PCDHGA7: variants seen among roughly 807,000 people sequenced by gnomAD.
PCDHGA7 encodes protocadherin gamma-A7.
PCDHGA7 carries 44 observed loss-of-function variants against 58.3 expected under a neutral mutation model. That is an observed-to-expected ratio of 0.75 (90% CI 0.59 to 0.97). The LOEUF (loss-of-function observed/expected upper bound fraction) is 0.97. Among genes scored for constraint, PCDHGA7 ranks in the 50% least tolerant of loss-of-function variants. PCDHGA7 has a pLI of 0.00. For missense variants in PCDHGA7, 1,266 were observed against 1,188.7 expected, an observed-to-expected ratio of 1.06 and a Z score of -0.96; for synonymous variants, 516 against 504.2, an observed-to-expected ratio of 1.02 and a Z score of -0.31.
chr5:141,428,037 C>T, intron 1 of PCDHGA7: 1 of 1,608,458 alleles, frequency 6.2e-7, no homozygotes, highest in South Asian at 1.1e-5. Context: ...GTCCGGCTAC[C>T]TGGTGACCAA....
intron 1 of PCDHGA7, among the ~76,000 whole-genome samples, chr5:141,407,771 A>G (rs1414886829): frequency 6.6e-6 from 1 of 152,246 alleles, no homozygotes; most frequent in East Asian, 1.9e-4. Context: ...GAAATTGTGC[A>G]TAATAGATTT....
At chr5:141,444,288 C>T (rs2098430665) in intron 1 of PCDHGA7, among the ~76,000 whole-genome samples, 1 of 150,100 alleles carries the variant, frequency 6.7e-6, no homozygotes, top group South Asian at 2.1e-4. Flanking sequence ...TCTCCTGCCT[C>T]AGCCTCCCTA....
At chr5:141,399,821 C>T in intron 1 of PCDHGA7, 1 of 1,613,210 alleles carries the variant, frequency 6.2e-7, no homozygotes, top group Non-Finnish European at 8.5e-7. Flanking sequence ...GCGCTGGGTC[C>T]CGACGGCTCT....
At chr5:141,413,500 A>C (rs1422297029) in intron 1 of PCDHGA7, 2 of 1,614,034 alleles carry the variant, frequency 1.2e-6, no homozygotes, top group South Asian at 1.1e-5. Flanking sequence ...GTGCGTGGTG[A>C]GTTTTAATAT....
intron 1 of PCDHGA7, among the ~76,000 whole-genome samples, chr5:141,472,924 T>G (rs1247655318): frequency 2.0e-5 from 3 of 147,960 alleles, no homozygotes; most frequent in African/African-American, 7.5e-5. Flanking sequence ...AGGAGGAGGT[T>G]GTGGTGAGCC....
Position 141,384,600 on chromosome 5 carries a change from C to T in PCDHGA7, c.1701C>T (p.Leu567=). Residue 567 remains leucine, a synonymous_variant, in exon 1 of 4, where the codon CTC becomes CTT. Transcript: ENST00000518325. ...DNPPEILYPA[L]PTDGSTGMEL... The stretch of plus-strand genomic sequence containing the variant: ...CGCCCGAGATCCTGTACCCGGCCCT[C>T]CCCACAGATGGTTCTACTGGCATGG... 1 of 1,614,248 alleles carries T rather than the reference C, an allele frequency of 6.2e-7. No individual in the cohort carries two copies. Among genetic ancestry groups the T allele is most frequent in the Non-Finnish European group, 8.5e-7 (1 of 1,180,048 alleles).
Position 141,512,910 on chromosome 5 carries a change from T to C in PCDHGA7, c.*1737T>C, listed in dbSNP as rs2099884499. On this transcript the variant is annotated 3_prime_UTR_variant, in exon 4 of 4. Transcript: ENST00000518325. Reference sequence around the variant, plus strand: ...CTCTTCCTGTGTCTCACGCAAGTTTTATACTCTAATATTTATATGGCTTTT... The same window carrying C: ...CTCTTCCTGTGTCTCACGCAAGTTTCATACTCTAATATTTATATGGCTTTT... 1 of 152,274 alleles carries C rather than the reference T, an allele frequency of 6.6e-6. No homozygotes were observed. The highest frequency in any genetic ancestry group is 2.1e-4 in the South Asian group (1 of 4,836). 9.4% of individuals were successfully genotyped at this position (152,274 alleles called of 1,614,324 possible). A position where few individuals can be genotyped will look rare whatever the true frequency, so the allele number is the denominator to read the frequency against.
At position 141,481,468 on chromosome 5, in the gene PCDHGA7, G is replaced by A. The variant is rs575259839; in HGVS notation, c.2425-13339G>A. Among the ~76,000 whole-genome samples the A allele has an allele frequency of 2.6e-5, 4 of 152,332 alleles. No homozygotes were observed. In the South Asian group the frequency reaches 8.3e-4, roughly 32 times the overall value. On this transcript the variant is annotated intron_variant, in intron 1 of 3. Transcript: ENST00000518325. Reference sequence around the variant, plus strand: ...CATGTAAATACACTGAAAACCATTGGATTATACACTTTAAATATGTGATTT... The same window carrying A: ...CATGTAAATACACTGAAAACCATTGAATTATACACTTTAAATATGTGATTT...
In PCDHGA7 at chr5:141,388,120, C is replaced by G. The variant is rs945677635; in HGVS notation, c.2424+2797C>G. The G allele has an allele frequency of 2.8e-6, 4 of 1,422,500 alleles. No homozygotes were observed. The African/African-American group carries it at 5.8e-5, about 20-fold the overall frequency. 88.1% of individuals were successfully genotyped at this position (1,422,500 alleles called of 1,614,324 possible). On this transcript the variant is annotated intron_variant, in intron 1 of 3. Coordinates refer to ENST00000518325, the MANE Select transcript of PCDHGA7 (RefSeq NM_018920.4). ...GAGAAGCCTTACTTCACCGTGAGCG[C>G]AGAGAGCGGGGAGTTGCTTGTGAGC...
Position 141,511,703 on chromosome 5 carries a change from T to G in PCDHGA7, c.*530T>G, listed in dbSNP as rs148447880. On this transcript the variant is annotated 3_prime_UTR_variant, in exon 4 of 4. Coordinates refer to ENST00000518325, the MANE Select transcript of PCDHGA7 (RefSeq NM_018920.4). ...AAAGCATGGTTTGGTGCCAGCCCCT[T>G]CACCTCCTTCCAGAGCCCAAGATCA... The G allele has an allele frequency of 1.1e-4, 21 of 189,942 alleles. No homozygotes were observed. In the East Asian group the frequency reaches 2.4e-3, roughly 22 times the overall value. 11.8% of individuals were successfully genotyped at this position (189,942 alleles called of 1,614,324 possible).
intron 1 of PCDHGA7, among the ~76,000 whole-genome samples, chr5:141,406,833 A>G (rs776807611): frequency 3.9e-5 from 6 of 152,238 alleles, no homozygotes; most frequent in Non-Finnish European, 4.4e-5. Flanking sequence ...ATGAACTTGC[A>G]TATCAGATAT....
intron 1 of PCDHGA7, among the ~76,000 whole-genome samples, chr5:141,450,894 G>C (rs919860611): frequency 6.7e-6 from 1 of 148,956 alleles, no homozygotes; most frequent in Admixed American, 6.7e-5. Context: ...GTGCGATATC[G>C]GCTCACTGCA....
At chr5:141,447,130 T>A (rs2098527397) in intron 1 of PCDHGA7, among the ~76,000 whole-genome samples, 1 of 152,146 alleles carries the variant, frequency 6.6e-6, no homozygotes, top group Admixed American at 6.6e-5. Context: ...TTTTTTTGTT[T>A]GTTTGTTTTT....
At chr5:141,394,705 C>A (rs1245348426) in intron 1 of PCDHGA7, 1 of 1,613,256 alleles carries the variant, frequency 6.2e-7, no homozygotes, top group African/African-American at 1.3e-5. Context: ...ACGGCGCGAG[C>A]CCTGCTGGAC....
Position 141,436,345 on chromosome 5 carries a change from G to A in PCDHGA7, c.2424+51022G>A, listed in dbSNP as rs930858667. 5.9e-4 allele frequency among the ~76,000 whole-genome samples: 90 copies of A among 152,212 alleles called. 1 individual carries two copies. Among genetic ancestry groups the A allele is most frequent in the African/African-American group, 1.7e-3 (69 of 41,540 alleles). ...GTTAGACCATATCTCAAATATCAGT[G>A]ACTTCAATCAACTATGTTTCCAGTT... On this transcript the variant is annotated intron_variant, in intron 1 of 3. Coordinates refer to ENST00000518325, the MANE Select transcript of PCDHGA7 (RefSeq NM_018920.4).
At chr5:141,409,885 G>A in intron 1 of PCDHGA7, 1 of 1,613,110 alleles carries the variant, frequency 6.2e-7, no homozygotes. Flanking sequence ...ACGCACCGCG[G>A]GTGCTGTACC....
At chr5:141,504,528 C>T (rs750099460) in intron 2 of PCDHGA7, among the ~76,000 whole-genome samples, 2 of 151,854 alleles carry the variant, frequency 1.3e-5, no homozygotes, top group Non-Finnish European at 2.9e-5. Flanking sequence ...ATATTTTATT[C>T]GTGTCATCAT....
intron 2 of PCDHGA7, among the ~76,000 whole-genome samples, chr5:141,501,331 ACACC>A (rs747366952): frequency 1.4e-5 from 2 of 138,844 alleles, no homozygotes; most frequent in Non-Finnish European, 3.2e-5. Context: ...ACACACACAC[ACACC>A]CCAAACTCAA....
chr5:141,409,082 T>C (rs1332697516), intron 1 of PCDHGA7: 6 of 1,613,878 alleles, frequency 3.7e-6, no homozygotes, highest in African/African-American at 1.3e-5. Context: ...TATGTTCTCA[T>C]TGGATGAGAA....
Sources: gnomAD v4.1 joint callset for allele counts (sites outside exome capture counted in the v4.1 genomes callset) on GRCh38, gnomAD v4.1.1 for gene constraint, MANE v1.5 for transcripts, NCBI Gene and HGNC (gene_info 2026-07-23, HGNC 2026-07-21) for gene names.